Variants in GABRA2 observed in about 807,000 individuals in gnomAD.
GABRA2 encodes gamma-aminobutyric acid receptor subunit alpha-2.
Under a neutral mutation model 48.7 loss-of-function variants are expected in GABRA2, and 16 were observed. The ratio of observed to expected loss-of-function variants is 0.33; its 90% CI spans 0.22 to 0.50. GABRA2 has a LOEUF of 0.50. Ranked by LOEUF, GABRA2 falls within the 20% of genes least tolerant of loss-of-function variation. The probability of loss-of-function intolerance (pLI) is 0.98; values close to 1 mark genes in which losing one functional copy is unlikely to be tolerated. For synonymous variants in GABRA2, 185 were observed against 184.5 expected, an observed-to-expected ratio of 1.00 and a Z score of -0.02; for missense variants, 275 against 535.6, an observed-to-expected ratio of 0.51 and a Z score of 4.80.
intron 8 of GABRA2, among the ~76,000 whole-genome samples, chr4:46,289,670 A>G (rs1221909071): frequency 6.6e-6 from 1 of 152,160 alleles, no homozygotes; most frequent in Non-Finnish European, 1.5e-5. Context: ...TACCTGTATA[A>G]CACACCTGCA....
intron 9 of GABRA2, among the ~76,000 whole-genome samples, chr4:46,250,937 C>A (rs1456295604): frequency 1.3e-5 from 2 of 151,460 alleles, no homozygotes; most frequent in Non-Finnish European, 1.5e-5. Flanking sequence ...AAATGAATGA[C>A]TGAATGAATA....
chr4:46,284,305 A>T (rs1722112338), intron 8 of GABRA2, among the ~76,000 whole-genome samples: 1 of 152,206 alleles, frequency 6.6e-6, no homozygotes, highest in South Asian at 2.1e-4. Flanking sequence ...TGAGGTTTGT[A>T]TACTGTTAAT....
chr4:46,314,101 T>C (rs1008114580), intron 4 of GABRA2, among the ~76,000 whole-genome samples: 1 of 152,050 alleles, frequency 6.6e-6, no homozygotes, highest in South Asian at 2.1e-4. Flanking sequence ...CATCTAGTTA[T>C]CTTTTTTAAT....
intron 8 of GABRA2, among the ~76,000 whole-genome samples, chr4:46,269,506 A>G (rs1718878573): frequency 6.6e-6 from 1 of 151,918 alleles, no homozygotes; most frequent in Non-Finnish European, 1.5e-5. Context: ...GTAGTGCTAT[A>G]TATTCACTAC....
At chr4:46,310,103 A>G in intron 6 of GABRA2, 70 bp downstream of exon 6, 1 of 1,056,292 alleles carries the variant, frequency 9.5e-7, no homozygotes, top group Admixed American at 1.8e-5. Context: ...AAAACTAGAC[A>G]ATTGAGCAGT....
intron 8 of GABRA2, among the ~76,000 whole-genome samples, chr4:46,292,503 AC>A (rs1281904671): frequency 2.0e-5 from 3 of 152,104 alleles, no homozygotes; most frequent in Admixed American, 6.6e-5. Context: ...GAGCTTGTAA[AC>A]TCTGATGAAT....
chr4:46,324,159 C>T (rs1729928457), intron 4 of GABRA2, among the ~76,000 whole-genome samples: 2 of 152,012 alleles, frequency 1.3e-5, no homozygotes, highest in African/African-American at 4.8e-5. Context: ...TCAGCAAATA[C>T]TTCTGTTTTT....
intron 2 of GABRA2, 22 bp downstream of exon 2, chr4:46,388,614 T>G (rs758433355): frequency 1.2e-6 from 2 of 1,613,576 alleles, no homozygotes; most frequent in Non-Finnish European, 1.7e-6. Flanking sequence ...ATTAAAATAG[T>G]CAAATACAAT....
intron 8 of GABRA2, among the ~76,000 whole-genome samples, chr4:46,290,328 C>T (rs1723395250): frequency 6.6e-6 from 1 of 151,824 alleles, no homozygotes; most frequent in Admixed American, 6.6e-5. Flanking sequence ...GAATTTTCTA[C>T]ACGTATTAAA....
In GABRA2 at chr4:46,243,953, T is replaced by C. The variant is rs1463980810; in HGVS notation, c.*6355A>G. Reference sequence around the variant, plus strand: ...AAGTTTTCACTCACATCACATCTACTGGAAACATTTCATGAAAGGTGATGT... The same window carrying C: ...AAGTTTTCACTCACATCACATCTACCGGAAACATTTCATGAAAGGTGATGT... On this transcript the variant is annotated 3_prime_UTR_variant, in exon 10 of 10. Coordinates refer to ENST00000381620, the MANE Select transcript of GABRA2 (RefSeq NM_000807.4). 1 of 151,588 alleles carries C rather than the reference T, an allele frequency of 6.6e-6. No individual in the cohort carries two copies. The highest frequency in any genetic ancestry group is 1.5e-5 in the Non-Finnish European group (1 of 67,654). 9.4% of individuals were successfully genotyped at this position (151,588 alleles called of 1,614,324 possible).
At chr4:46,355,201 A>C (rs1439633793) in intron 3 of GABRA2, among the ~76,000 whole-genome samples, 1 of 152,170 alleles carries the variant, frequency 6.6e-6, no homozygotes, top group Non-Finnish European at 1.5e-5. Flanking sequence ...ATTTTTTGCC[A>C]GCATTTTCTT....
intron 8 of GABRA2, among the ~76,000 whole-genome samples, chr4:46,282,000 A>G (rs1043967152): frequency 2.0e-5 from 3 of 152,200 alleles, no homozygotes. Flanking sequence ...ATGCAGAAAC[A>G]TGATTAGGCA....
At chr4:46,297,205 A>T (rs1158262705) in intron 8 of GABRA2, among the ~76,000 whole-genome samples, 1 of 151,958 alleles carries the variant, frequency 6.6e-6, no homozygotes, top group African/African-American at 2.4e-5. Flanking sequence ...GGACTGGGAG[A>T]GTCAGATCCA....
intron 3 of GABRA2, among the ~76,000 whole-genome samples, chr4:46,341,618 G>A (rs1382221918): frequency 6.6e-6 from 1 of 152,058 alleles, no homozygotes; most frequent in Non-Finnish European, 1.5e-5. Flanking sequence ...TTAGGGGGAA[G>A]TAACATCTTC....
chr4:46,318,775 A>G (rs1018003409), intron 4 of GABRA2, among the ~76,000 whole-genome samples: 26 of 151,860 alleles, frequency 1.7e-4, no homozygotes, highest in African/African-American at 5.1e-4. Context: ...TGCAAATTTA[A>G]TAAGAAACAA....
At chr4:46,344,082 A>G (rs1733748127) in intron 3 of GABRA2, among the ~76,000 whole-genome samples, 1 of 152,026 alleles carries the variant, frequency 6.6e-6, no homozygotes, top group East Asian at 1.9e-4. Context: ...TCCAAAAAGT[A>G]GATGAATATA....
chr4:46,320,027 G>T (rs995506396), intron 4 of GABRA2, among the ~76,000 whole-genome samples: 3 of 151,576 alleles, frequency 2.0e-5, no homozygotes, highest in Non-Finnish European at 4.4e-5. Flanking sequence ...AAATACCATG[G>T]TCTTTTCATT....
intron 8 of GABRA2, among the ~76,000 whole-genome samples, chr4:46,273,046 GC>G (rs1719653365): frequency 1.8e-5 from 2 of 112,494 alleles, no homozygotes; most frequent in South Asian, 7.6e-4. Flanking sequence ...TCCTCCCCTA[GC>G]CCCCCACCCC....
intron 8 of GABRA2, among the ~76,000 whole-genome samples, chr4:46,263,825 T>C (rs1717539876): frequency 6.6e-6 from 1 of 152,060 alleles, no homozygotes; most frequent in African/African-American, 2.4e-5. Context: ...TTTCATTGAA[T>C]CTGCACATGA....
Sources: gnomAD v4.1 joint callset for allele counts (sites outside exome capture counted in the v4.1 genomes callset) on GRCh38, gnomAD v4.1.1 for gene constraint, MANE v1.5 for transcripts, NCBI Gene and HGNC (gene_info 2026-07-23, HGNC 2026-07-21) for gene names.